ZNF98: variants seen among roughly 807,000 people sequenced by gnomAD.
ZNF98 encodes the protein zinc finger protein 98, also known as zinc finger protein 739.
ZNF98 carries 8 observed loss-of-function variants against 12.8 expected under a neutral mutation model. The ratio of observed to expected loss-of-function variants is 0.63; its 90% CI spans 0.37 to 1.13. ZNF98 has a LOEUF of 1.13. Among genes scored for constraint, ZNF98 ranks in the 50% most tolerant of loss-of-function variants. The pLI, the probability that ZNF98 is intolerant of heterozygous loss-of-function variation, is 0.01. For synonymous variants in ZNF98, 112 were observed against 223.5 expected (o/e 0.50, Z 4.45); for missense variants, 379 against 666.1 (o/e 0.57, Z 4.74).
chr19:22,414,860 A>G (rs1380451066), intron 1 of ZNF98, among the ~76,000 whole-genome samples: 9 of 152,192 alleles, frequency 5.9e-5, no homozygotes, highest in Admixed American at 5.9e-4. Context: ...CAATTGCAAC[A>G]AAAGTACTAA....
At chr19:22,396,156 A>G (rs1020388228) in intron 3 of ZNF98, among the ~76,000 whole-genome samples, 1 of 152,328 alleles carries the variant, frequency 6.6e-6, no homozygotes, top group South Asian at 2.1e-4. Flanking sequence ...AAAACATTTT[A>G]AATTATCTCT....
At chr19:22,405,233 G>A (rs1197908117) in intron 1 of ZNF98, among the ~76,000 whole-genome samples, 1 of 142,674 alleles carries the variant, frequency 7.0e-6, no homozygotes, top group East Asian at 2.1e-4. Context: ...CTAGGACACA[G>A]AGTGGACACA....
chr19:22,417,601 T>A (rs1277860597), intron 1 of ZNF98, among the ~76,000 whole-genome samples: 3 of 152,066 alleles, frequency 2.0e-5, no homozygotes, highest in African/African-American at 7.2e-5. Context: ...TGCAAGCAGA[T>A]GAGATTATGA....
At chr19:22,398,134 A>C (rs1172645548) in intron 3 of ZNF98, among the ~76,000 whole-genome samples, 1 of 152,228 alleles carries the variant, frequency 6.6e-6, no homozygotes, top group East Asian at 1.9e-4. Flanking sequence ...GAAAAAAAGC[A>C]GGAAATATTC....
intron 1 of ZNF98, among the ~76,000 whole-genome samples, chr19:22,403,812 T>C (rs1457596081): frequency 7.2e-5 from 11 of 152,262 alleles, no homozygotes; most frequent in Admixed American, 6.5e-4. Context: ...ATTTACATCA[T>C]ACAGAATAAG....
chr19:22,407,452 G>A lies in ZNF98; in HGVS notation c.31-3940C>T, dbSNP rs1969533427. ...TTCTCGGCTGGGCACGGTGGCTCAC[G>A]CCTGTAATCCCAGCACTTTGGGAGG... On this transcript the variant is annotated intron_variant, in intron 1 of 3. Transcript: ENST00000357774. Among the ~76,000 whole-genome samples the A allele has an allele frequency of 2.0e-5, 3 of 148,702 alleles. No individual in the cohort carries two copies. In the South Asian group the frequency reaches 6.5e-4, roughly 32 times the overall value.
At chr19:22,397,054 G>C (rs1389761888) in intron 3 of ZNF98, among the ~76,000 whole-genome samples, 2 of 151,272 alleles carry the variant, frequency 1.3e-5, no homozygotes, top group Non-Finnish European at 2.9e-5. Flanking sequence ...AGGAGGCAGA[G>C]GTTGCAGTGA....
chr19:22,416,563 G>A (rs1259635282), intron 1 of ZNF98, among the ~76,000 whole-genome samples: 10 of 151,826 alleles, frequency 6.6e-5, no homozygotes, highest in Admixed American at 3.3e-4. Context: ...ATCACCTGAG[G>A]TCAGGAGTTC....
intron 3 of ZNF98, among the ~76,000 whole-genome samples, chr19:22,399,593 T>C (rs554304751): frequency 6.6e-6 from 1 of 152,332 alleles, no homozygotes; most frequent in African/African-American, 2.4e-5. Context: ...TTTTTTTGCC[T>C]GTCTATATTT....
intron 3 of ZNF98, among the ~76,000 whole-genome samples, chr19:22,397,487 T>C (rs907262037): frequency 3.9e-5 from 6 of 152,130 alleles, no homozygotes; most frequent in Non-Finnish European, 7.3e-5. Context: ...TTTTCCTTCA[T>C]AGACCTCCTC....
At position 22,392,877 on chromosome 19, in the gene ZNF98, A is replaced by T; in HGVS notation, c.358T>A (p.Leu120Ile). Reference protein sequence around the residue: ...RTYKKCGRENLQLRKYCKSMD... With the variant: ...RTYKKCGRENIQLRKYCKSMD... ...CTTTTACAGTATTTTCTTAACTGTA[A>T]ATTTTCACGTCCACATTTTTTATAT... The change falls in exon 4 of 4, where the codon TTA (leucine) becomes ATA (isoleucine). Residue 120 changes from leucine (L) to isoleucine (I), a missense_variant. Physicochemically the swap from Leu to Ile is conservative, Grantham distance 5 (BLOSUM62 2). Around this residue, in one of 8 missense-constraint regions of ZNF98, gnomAD observed 223 missense variants for 261.6 expected, o/e 0.85. Coordinates refer to ENST00000357774, the MANE Select transcript of ZNF98 (RefSeq NM_001098626.2). 1 of 1,607,746 alleles carries T rather than the reference A, an allele frequency of 6.2e-7. No homozygotes were observed.
intron 3 of ZNF98, among the ~76,000 whole-genome samples, chr19:22,402,175 CAAAAAAAAAAA>C (rs869111485): frequency 5.0e-5 from 3 of 60,512 alleles, no homozygotes; most frequent in South Asian, 1.5e-3. Context: ...GACTCCATCT[CAAAAAAAAAAA>C]AAAAAAAAAG....
intron 3 of ZNF98, among the ~76,000 whole-genome samples, chr19:22,395,072 T>C (rs1344963862): frequency 6.7e-6 from 1 of 149,446 alleles, no homozygotes. Flanking sequence ...AGTGGGAAGC[T>C]GAGACCAGAT....
At chr19:22,416,091 C>T (rs899955108) in intron 1 of ZNF98, among the ~76,000 whole-genome samples, 3 of 150,720 alleles carry the variant, frequency 2.0e-5, no homozygotes, top group South Asian at 2.1e-4. Context: ...TTGCAGTGAG[C>T]CAAAACCGTG....
intron 1 of ZNF98, among the ~76,000 whole-genome samples, chr19:22,405,889 G>A (rs1190464629): frequency 3.3e-5 from 5 of 152,116 alleles, no homozygotes; most frequent in Admixed American, 2.6e-4. Flanking sequence ...GCCTGACTCT[G>A]ACCCATCCCT....
chr19:22,420,929 T>G (rs970749816), intron 1 of ZNF98, among the ~76,000 whole-genome samples: 1 of 152,246 alleles, frequency 6.6e-6, no homozygotes, highest in Non-Finnish European at 1.5e-5. Context: ...TGGGAAATAC[T>G]TACAAACAGA....
chr19:22,419,752 G>A (rs554673443), intron 1 of ZNF98, among the ~76,000 whole-genome samples: 2 of 152,134 alleles, frequency 1.3e-5, no homozygotes, highest in African/African-American at 4.8e-5. Context: ...ATTTCTAGGA[G>A]GTACCAAGTT....
intron 3 of ZNF98, among the ~76,000 whole-genome samples, chr19:22,393,913 A>G (rs1476053937): frequency 2.0e-5 from 3 of 152,040 alleles, no homozygotes; most frequent in Non-Finnish European, 4.4e-5. Context: ...ACAGAATGGG[A>G]GAAAATCTAT....
At chr19:22,421,227 T>A (rs951597575) in intron 1 of ZNF98, among the ~76,000 whole-genome samples, 2 of 152,156 alleles carry the variant, frequency 1.3e-5, no homozygotes, top group African/African-American at 4.8e-5. Flanking sequence ...ATACGGTATA[T>A]AAAAGGTACA....
Sources: allele counts gnomAD v4.1 joint callset (sites outside exome capture counted in the v4.1 genomes callset), GRCh38; gene constraint gnomAD v4.1.1; regional missense constraint gnomAD v4.1.1; transcripts MANE v1.5; gene names NCBI Gene and HGNC (gene_info 2026-07-23, HGNC 2026-07-21).